PIBF1: variants seen among roughly 807,000 people sequenced by gnomAD.
PIBF1 encodes the protein progesterone immunomodulatory binding factor 1.
In PIBF1, 90 loss-of-function variants were observed where a neutral mutation model predicts 112.5. That is an observed-to-expected ratio of 0.80 (90% CI 0.67 to 0.95). The LOEUF (loss-of-function observed/expected upper bound fraction) is 0.95, where lower values mean the gene tolerates loss of function less well. Among genes scored for constraint, PIBF1 ranks in the 40% least tolerant of loss-of-function variants. PIBF1 has a pLI of 0.00. For synonymous variants in PIBF1, 301 were observed against 288.6 expected (o/e 1.04, Z -0.44); for missense variants, 915 against 852.3 (o/e 1.07, Z -0.92).
At chr13:72,818,254 C>G (rs1024322006) in intron 5 of PIBF1, among the ~76,000 whole-genome samples, 7 of 152,108 alleles carry the variant, frequency 4.6e-5, no homozygotes, top group Non-Finnish European at 7.4e-5. Flanking sequence ...ATCTGGATAC[C>G]CCAACTTACA....
intron 11 of PIBF1, among the ~76,000 whole-genome samples, chr13:72,896,734 A>G (rs1191796119): frequency 6.6e-6 from 1 of 152,154 alleles, no homozygotes; most frequent in Non-Finnish European, 1.5e-5. Context: ...AATTAACCCA[A>G]TCCAAAAAAG....
At chr13:72,891,710 A>G (rs896178002) in intron 10 of PIBF1, among the ~76,000 whole-genome samples, 2 of 152,104 alleles carry the variant, frequency 1.3e-5, no homozygotes, top group Non-Finnish European at 2.9e-5. Context: ...TCCTAGGTAT[A>G]TAACCAAGAG....
At chr13:72,927,258 C>G (rs1385331113) in intron 13 of PIBF1, among the ~76,000 whole-genome samples, 5 of 152,026 alleles carry the variant, frequency 3.3e-5, no homozygotes, top group Admixed American at 6.5e-5. Flanking sequence ...GTAATCCCAG[C>G]ACTATGGGAG....
chr13:72,877,053 C>T (rs565401532), intron 10 of PIBF1, among the ~76,000 whole-genome samples: 9 of 152,084 alleles, frequency 5.9e-5, no homozygotes, highest in Admixed American at 1.3e-4. Flanking sequence ...AGGAACTTCC[C>T]GCTATTCCTA....
chr13:72,864,754 TATG>T (rs1356127707), intron 10 of PIBF1, among the ~76,000 whole-genome samples: 4 of 152,204 alleles, frequency 2.6e-5, no homozygotes, highest in East Asian at 1.9e-4. Flanking sequence ...TATTTTAAAA[TATG>T]ATGTTTACTG....
intron 17 of PIBF1, among the ~76,000 whole-genome samples, chr13:73,009,206 C>T (rs963997254): frequency 6.6e-6 from 1 of 152,178 alleles, no homozygotes; most frequent in African/African-American, 2.4e-5. Context: ...AAGTCCTACC[C>T]AACATCTTCA....
chr13:72,961,802 A>G (rs557777012), intron 14 of PIBF1, among the ~76,000 whole-genome samples: 11 of 152,282 alleles, frequency 7.2e-5, no homozygotes, highest in African/African-American at 2.6e-4. Context: ...GTGACATACA[A>G]TTACCATTTG....
chr13:72,868,037 C>T (rs2038997952), intron 10 of PIBF1, among the ~76,000 whole-genome samples: 2 of 152,072 alleles, frequency 1.3e-5, no homozygotes, highest in Non-Finnish European at 1.5e-5. Context: ...TGGTGGTTCA[C>T]ACCTGTAATC....
rs150845040 is a variant in PIBF1, at chr13:72,970,266, T to A, written c.1965-3325T>A. Among the ~76,000 whole-genome samples the A allele has an allele frequency of 3.6e-3, 555 of 152,302 alleles. 4 individuals are homozygous for A. The highest frequency in any genetic ancestry group is 0.013 in the African/African-American group (528 of 41,572). The stretch of plus-strand genomic sequence containing the variant: ...CACTATTAACTGCTTTAAATTCTCC[T>A]ATCATTAAAGTAATACTTTATTATA... On this transcript the variant is annotated intron_variant, in intron 15 of 17. Coordinates refer to ENST00000326291, the MANE Select transcript of PIBF1 (RefSeq NM_006346.4).
intron 9 of PIBF1, among the ~76,000 whole-genome samples, chr13:72,851,784 C>T (rs972409550): frequency 6.6e-6 from 1 of 152,194 alleles, no homozygotes; most frequent in Non-Finnish European, 1.5e-5. Context: ...CCCACTGAAG[C>T]CCACAAAAAC....
chr13:73,008,987 A>G (rs1190538009), intron 17 of PIBF1, among the ~76,000 whole-genome samples: 1 of 152,172 alleles, frequency 6.6e-6, no homozygotes, highest in African/African-American at 2.4e-5. Context: ...AGGCCTGGAG[A>G]TAACTATTTC....
At chr13:73,013,466 C>A (rs539287193) in intron 17 of PIBF1, among the ~76,000 whole-genome samples, 2 of 151,088 alleles carry the variant, frequency 1.3e-5, no homozygotes, top group Admixed American at 1.3e-4. Flanking sequence ...AAACAAAAAA[C>A]GAAAAACTAT....
At chr13:72,886,268 T>A (rs2039848984) in intron 10 of PIBF1, among the ~76,000 whole-genome samples, 1 of 144,888 alleles carries the variant, frequency 6.9e-6, no homozygotes, top group African/African-American at 2.6e-5. Context: ...AACACTGAGA[T>A]ATACGTTAAA....
chr13:72,995,518 G>A (rs894549616), intron 16 of PIBF1, among the ~76,000 whole-genome samples: 1 of 151,860 alleles, frequency 6.6e-6, no homozygotes, highest in Non-Finnish European at 1.5e-5. Flanking sequence ...TTATAAAGAT[G>A]GCATCAGTGG....
chr13:72,985,226 C>T (rs1363043164), intron 16 of PIBF1, among the ~76,000 whole-genome samples: 1 of 152,108 alleles, frequency 6.6e-6, no homozygotes, highest in African/African-American at 2.4e-5. Flanking sequence ...TGTATAATCT[C>T]TGAAAATATT....
At chr13:73,010,810 C>CTTTTTCTTTT (rs2044174823) in intron 17 of PIBF1, among the ~76,000 whole-genome samples, 3 of 40,278 alleles carry the variant, frequency 7.4e-5, no homozygotes, top group African/African-American at 1.9e-4. Context: ...ATTAACTTTT[C>CTTTTTCTTTT]TTTTTTTTTT....
At position 72,894,624 on chromosome 13, in the gene PIBF1, G is replaced by A. The variant is rs566034180; in HGVS notation, c.1488+675G>A. Among the ~76,000 whole-genome samples the A allele has an allele frequency of 3.9e-4, 59 of 151,272 alleles. 1 individual carries two copies. The South Asian group carries it at 0.012, about 32-fold the overall frequency. On this transcript the variant is annotated intron_variant, in intron 11 of 17. Transcript: ENST00000326291. Reference sequence around the variant, plus strand: ...CAAATCAGTAGGGAAAGTATGGATTGGACAATAAATGATGCTGTGATAATC... The same window carrying A: ...CAAATCAGTAGGGAAAGTATGGATTAGACAATAAATGATGCTGTGATAATC...
At chr13:72,824,161 G>T (rs1263464076) in intron 6 of PIBF1, among the ~76,000 whole-genome samples, 1 of 148,818 alleles carries the variant, frequency 6.7e-6, no homozygotes, top group African/African-American at 2.5e-5. Flanking sequence ...CTACAGGTGT[G>T]CGCCACCATG....
intron 11 of PIBF1, among the ~76,000 whole-genome samples, chr13:72,896,327 C>T (rs912752458): frequency 2.4e-4 from 36 of 152,142 alleles, no homozygotes; most frequent in African/African-American, 8.7e-4. Flanking sequence ...TTGACTTGCC[C>T]TCTGAGAGAG....
Sources: allele counts gnomAD v4.1 joint callset (sites outside exome capture counted in the v4.1 genomes callset), GRCh38; gene constraint gnomAD v4.1.1; transcripts MANE v1.5; gene names NCBI Gene and HGNC (gene_info 2026-07-23, HGNC 2026-07-21).